The following PLAAT1 variants were observed in gnomAD, a reference collection of about 807,000 sequenced individuals.
The protein encoded by PLAAT1 is H-REV107 protein-related protein.
In PLAAT1, 13 loss-of-function variants were observed where a neutral mutation model predicts 16.4. The observed-to-expected ratio is 0.79, with a 90% CI of 0.52 to 1.26. The LOEUF (loss-of-function observed/expected upper bound fraction) is 1.26. Among genes scored for constraint, PLAAT1 ranks in the 50% most tolerant of loss-of-function variants. PLAAT1 has a pLI of 0.00. For missense variants in PLAAT1, 218 were observed against 207.8 expected (o/e 1.05, Z -0.30); for synonymous variants, 73 against 78.4 (o/e 0.93, Z 0.36).
rs1048834836 is a variant in PLAAT1, at chr3:193,241,305, C to T, written c.-229C>T. On this transcript the variant is annotated 5_prime_UTR_variant, in exon 1 of 4. Transcript: ENST00000264735. ...CCGGCGTGCGGGCGTCTCAGAGCCG[C>T]GGAGGGGCCGCCGGGACCGTTTCAG... 2.4e-6 allele frequency: 3 copies of T among 1,230,930 alleles called. No individual in the cohort carries two copies. The highest frequency in any genetic ancestry group is 3.2e-5 in the East Asian group (1 of 31,668). The allele number at this position is 1,230,930 out of a possible 1,614,324, so 76.3% of individuals were successfully genotyped here.
chr3:193,264,593 T>A (rs935349050), intron 3 of PLAAT1, among the ~76,000 whole-genome samples: 1 of 151,864 alleles, frequency 6.6e-6, no homozygotes, highest in Admixed American at 6.6e-5. Flanking sequence ...AACCTCCGCC[T>A]CCTGGGTTCA....
intron 2 of PLAAT1, among the ~76,000 whole-genome samples, 178 bp from the exon 3 acceptor site, chr3:193,262,792 T>G (rs190245413): frequency 1.3e-5 from 2 of 152,330 alleles, no homozygotes; most frequent in East Asian, 3.9e-4. Context: ...ATAGTAAGTG[T>G]TACTGCTAAG....
At chr3:193,266,542 C>T (rs950561163) in intron 3 of PLAAT1, among the ~76,000 whole-genome samples, 28 of 152,076 alleles carry the variant, frequency 1.8e-4, no homozygotes, top group African/African-American at 6.0e-4. Flanking sequence ...TAAGAGTCTA[C>T]CTAAGCTTTC....
intron 3 of PLAAT1, among the ~76,000 whole-genome samples, chr3:193,265,973 G>A (rs926177071): frequency 6.6e-6 from 1 of 152,052 alleles, no homozygotes; most frequent in African/African-American, 2.4e-5. Context: ...TTGGAAATGA[G>A]GAGATGTTAG....
At chr3:193,247,331 A>G (rs536532213) in intron 1 of PLAAT1, among the ~76,000 whole-genome samples, 2 of 152,342 alleles carry the variant, frequency 1.3e-5, no homozygotes, top group South Asian at 2.1e-4. Flanking sequence ...ACATGCCCAC[A>G]GCACACTAAG....
chr3:193,240,979 C>T, upstream of PLAAT1: 1 of 348,222 alleles, frequency 2.9e-6, no homozygotes, highest in Non-Finnish European at 5.1e-6. Context: ...ACGTTGGCTG[C>T]GGGAACGTCC....
downstream of PLAAT1, among the ~76,000 whole-genome samples, chr3:193,279,779 A>G (rs1717397068): frequency 6.6e-6 from 1 of 151,958 alleles, no homozygotes; most frequent in Non-Finnish European, 1.5e-5. Context: ...TCTTGGCACC[A>G]TCTCATTCTT....
At chr3:193,267,328 C>A (rs1402759960) in intron 3 of PLAAT1, among the ~76,000 whole-genome samples, 1 of 152,032 alleles carries the variant, frequency 6.6e-6, no homozygotes, top group African/African-American at 2.4e-5. Flanking sequence ...AATAATTTTC[C>A]TGCCCTAAAA....
chr3:193,240,864 A>G (rs1386309005), upstream of PLAAT1, among the ~76,000 whole-genome samples: 1 of 152,108 alleles, frequency 6.6e-6, no homozygotes, highest in East Asian at 1.9e-4. Flanking sequence ...TTGTTAGGCT[A>G]GAAGAGTGGG....
rs756408706 is a variant in PLAAT1 at position 193,255,673 on chromosome 3, G to A, written c.23G>A (p.Ser8Asn). MAFNDCF[S>N]LNYPGNPCPG... Reference sequence around the variant, plus strand: ...CAGATGGCGTTTAATGATTGCTTCAGTTTGAACTACCCTGGCAACCCCTGC... The same window carrying A: ...CAGATGGCGTTTAATGATTGCTTCAATTTGAACTACCCTGGCAACCCCTGC... The change falls in exon 2 of 4, where the codon AGT becomes AAT. Residue 8 changes from serine to asparagine, a missense_variant. Ser to Asn is a conservative substitution (Grantham distance 46). Coordinates refer to ENST00000264735, the MANE Select transcript of PLAAT1 (RefSeq NM_020386.5). The A allele has an allele frequency of 1.9e-6, 3 of 1,610,744 alleles. No homozygotes were observed. Among genetic ancestry groups the A allele is most frequent in the South Asian group, 2.2e-5 (2 of 90,548 alleles).
chr3:193,267,827 C>G (rs1251395238), intron 3 of PLAAT1, among the ~76,000 whole-genome samples: 3 of 152,210 alleles, frequency 2.0e-5, no homozygotes, highest in Admixed American at 1.3e-4. Flanking sequence ...ACATTTTGCA[C>G]TCTCAGCAAT....
chr3:193,276,136 A>G (rs952432421), intron 2 of PLAAT1, among the ~76,000 whole-genome samples: 3 of 152,174 alleles, frequency 2.0e-5, no homozygotes, highest in Non-Finnish European at 4.4e-5. Context: ...TGAGGTGTAT[A>G]TATATTTTAA....
At chr3:193,253,266 A>C (rs1212673083) in intron 1 of PLAAT1, among the ~76,000 whole-genome samples, 1 of 152,172 alleles carries the variant, frequency 6.6e-6, no homozygotes, top group Non-Finnish European at 1.5e-5. Flanking sequence ...CTTTATAAAT[A>C]TGATAGACTT....
intron 1 of PLAAT1, among the ~76,000 whole-genome samples, chr3:193,246,672 G>T (rs1715996264): frequency 6.6e-6 from 1 of 152,184 alleles, no homozygotes; most frequent in African/African-American, 2.4e-5. Flanking sequence ...CATATTTATT[G>T]ATTTATATAT....
chr3:193,257,450 C>T (rs1021403780), intron 2 of PLAAT1, among the ~76,000 whole-genome samples: 4 of 152,040 alleles, frequency 2.6e-5, no homozygotes, highest in African/African-American at 9.7e-5. Context: ...AAAGATTAAC[C>T]ACATGCTTAG....
At chr3:193,263,541 G>A (rs1716668860) in intron 3 of PLAAT1, among the ~76,000 whole-genome samples, 1 of 152,090 alleles carries the variant, frequency 6.6e-6, no homozygotes, top group African/African-American at 2.4e-5. Flanking sequence ...TTTCAAATTG[G>A]TGATCTCATA....
At chr3:193,242,458 C>G (rs1715805203) in intron 1 of PLAAT1, among the ~76,000 whole-genome samples, 1 of 151,928 alleles carries the variant, frequency 6.6e-6, no homozygotes, top group Non-Finnish European at 1.5e-5. Flanking sequence ...ATTTGGGGCA[C>G]TTGGAAATGG....
At chr3:193,244,005 C>T (rs918108758) in intron 1 of PLAAT1, among the ~76,000 whole-genome samples, 13 of 152,268 alleles carry the variant, frequency 8.5e-5, no homozygotes, top group Admixed American at 2.0e-4. Context: ...ATTTTTTCCA[C>T]TAAGTATAAT....
intron 1 of PLAAT1, among the ~76,000 whole-genome samples, chr3:193,242,154 A>G (rs1295773296): frequency 3.4e-5 from 5 of 146,746 alleles, no homozygotes; most frequent in Non-Finnish European, 6.0e-5. Context: ...CTATCATTAG[A>G]GTTAGTGTAT....
Sources: allele counts gnomAD v4.1 joint callset (sites outside exome capture counted in the v4.1 genomes callset), GRCh38; gene constraint gnomAD v4.1.1; transcripts MANE v1.5; gene names NCBI Gene and HGNC (gene_info 2026-07-23, HGNC 2026-07-21).